Variants in NAALADL2 observed in about 807,000 individuals in gnomAD.
NAALADL2 encodes the protein inactive N-acetylated-alpha-linked acidic dipeptidase-like protein 2.
In NAALADL2, 76 loss-of-function variants were observed where a neutral mutation model predicts 87.2. The ratio of observed to expected loss-of-function variants is 0.87; its 90% confidence interval spans 0.72 to 1.05. The LOEUF is 1.05. NAALADL2 is among the 50% of genes least tolerant of loss of function. The pLI is 0.00. For synonymous variants in NAALADL2, 354 were observed against 331.0 expected (o/e 1.07, Z -0.75); for missense variants, 1,089 against 945.8 (o/e 1.15, Z -1.99).
At chr3:175,544,680 A>G (rs1582334316) in intron 9 of NAALADL2, among the ~76,000 whole-genome samples, 1 of 152,136 alleles carries the variant, frequency 6.6e-6, no homozygotes, top group East Asian at 1.9e-4. Context: ...ATGTTTTTTC[A>G]ATGCTCCTTC....
chr3:175,013,825 C>T (rs1212128561), intron 1 of NAALADL2, among the ~76,000 whole-genome samples: 3 of 152,020 alleles, frequency 2.0e-5, no homozygotes, highest in South Asian at 2.1e-4. Flanking sequence ...TCCTTCCTCT[C>T]GCATGTGCTG....
At chr3:175,777,928 A>G (rs1244171166) in intron 13 of NAALADL2, among the ~76,000 whole-genome samples, 1 of 152,108 alleles carries the variant, frequency 6.6e-6, no homozygotes, top group Non-Finnish European at 1.5e-5. Flanking sequence ...CTCTCAACCT[A>G]CTGATGAACT....
chr3:174,608,255 A>C (rs1409281067), intron 2 of NAALADL2, among the ~76,000 whole-genome samples: 1 of 152,162 alleles, frequency 6.6e-6, no homozygotes, highest in African/African-American at 2.4e-5. Context: ...CAATTAAAAG[A>C]ACTAGAAAAG....
At chr3:174,444,074 TA>T (rs1471646809) in intron 1 of NAALADL2, among the ~76,000 whole-genome samples, 1 of 152,114 alleles carries the variant, frequency 6.6e-6, no homozygotes, top group Non-Finnish European at 1.5e-5. Context: ...GAGAGTTTTT[TA>T]AAGTGTACAA....
intron 1 of NAALADL2, among the ~76,000 whole-genome samples, chr3:174,502,978 A>G (rs139540392): frequency 0.031 from 4,759 of 151,842 alleles, 239 homozygotes; most frequent in African/African-American, 0.11. Context: ...CAGTGAGCTG[A>G]GATCACGCCA....
intron 2 of NAALADL2, among the ~76,000 whole-genome samples, chr3:175,127,887 C>T (rs990610341): frequency 1.4e-4 from 21 of 151,628 alleles, no homozygotes; most frequent in African/African-American, 4.1e-4. Context: ...ATGAAAGACA[C>T]GTGATATAAA....
chr3:175,087,014 A>AT (rs1365712865), intron 1 of NAALADL2, among the ~76,000 whole-genome samples: 1 of 152,062 alleles, frequency 6.6e-6, no homozygotes, highest in East Asian at 1.9e-4. Context: ...ATAAAATTCT[A>AT]TTTTTTTATA....
chr3:175,507,274 T>A (rs1234713582), intron 9 of NAALADL2, among the ~76,000 whole-genome samples: 5 of 152,174 alleles, frequency 3.3e-5, no homozygotes, highest in African/African-American at 4.8e-5. Context: ...TCAGATAGTA[T>A]CCAATTTGCA....
chr3:175,529,954 T>C (rs1313754319), intron 9 of NAALADL2, among the ~76,000 whole-genome samples: 1 of 152,116 alleles, frequency 6.6e-6, no homozygotes, highest in Non-Finnish European at 1.5e-5. Context: ...AGCTAATTGA[T>C]CACCCCGAGG....
At chr3:175,311,035 A>T (rs1481141351) in intron 4 of NAALADL2, among the ~76,000 whole-genome samples, 1 of 152,004 alleles carries the variant, frequency 6.6e-6, no homozygotes, top group East Asian at 1.9e-4. Flanking sequence ...GAATCACCTT[A>T]GAAAACTTAT....
intron 5 of NAALADL2, among the ~76,000 whole-genome samples, chr3:175,412,669 A>G (rs1180641387): frequency 2.6e-5 from 4 of 152,142 alleles, no homozygotes; most frequent in South Asian, 2.1e-4. Context: ...TTCCTTCAGT[A>G]CATAAGGCTC....
chr3:174,533,309 C>T (rs949072547), intron 1 of NAALADL2, among the ~76,000 whole-genome samples: 22 of 151,702 alleles, frequency 1.5e-4, no homozygotes, highest in African/African-American at 4.4e-4. Context: ...ATCCTTTGTT[C>T]GAGTGTTCAA....
chr3:175,734,281 G>A (rs28763588), intron 11 of NAALADL2, among the ~76,000 whole-genome samples: 4,164 of 152,156 alleles, frequency 0.027, 183 homozygotes, highest in African/African-American at 0.093. Context: ...TGGGCTGGGC[G>A]CGGTGGCTCA....
At chr3:175,269,439 C>G (rs374657366) in intron 4 of NAALADL2, among the ~76,000 whole-genome samples, 1 of 152,152 alleles carries the variant, frequency 6.6e-6, no homozygotes, top group Non-Finnish European at 1.5e-5. Context: ...TAATATGTTG[C>G]ACTACAACGT....
rs78217416 is a variant in NAALADL2 at position 174,579,099 on chromosome 3, T to C, written c.-115+28462T>C. Among the ~76,000 whole-genome samples the C allele has an allele frequency of 4.0e-3, 615 of 152,090 alleles. 3 individuals carry two copies. Among genetic ancestry groups the C allele is most frequent in the African/African-American group, 0.014 (595 of 41,556 alleles). On this transcript the variant is annotated intron_variant, in intron 2 of 3. Coordinates refer to the NAALADL2 transcript ENST00000434257. ...GGAAATGAAGAGTGACAACACCAAA[T>C]GTTGGTTGTTGATCGAAGGATAACA...
intron 1 of NAALADL2, among the ~76,000 whole-genome samples, chr3:175,039,616 G>A (rs1248135133): frequency 6.6e-6 from 1 of 151,940 alleles, no homozygotes; most frequent in Non-Finnish European, 1.5e-5. Context: ...GTTCTATTTC[G>A]TATTCTTTGT....
At chr3:175,621,797 G>A (rs974065162) in intron 10 of NAALADL2, among the ~76,000 whole-genome samples, 2 of 152,014 alleles carry the variant, frequency 1.3e-5, no homozygotes, top group Admixed American at 6.5e-5. Context: ...ACCATTTTAT[G>A]TAAGGGAGTT....
At position 175,667,235 on chromosome 3, in the gene NAALADL2, GAAAGAAAAAGAAAGAAAGA is replaced by G. The variant is rs1733260278; in HGVS notation, c.1896+39852_1896+39870del. Among the ~76,000 whole-genome samples, 33 of 112,548 alleles carry G rather than the reference GAAAGAAAAAGAAAGAAAGA, an allele frequency of 2.9e-4. 1 individual carries two copies. Among genetic ancestry groups the G allele is most frequent in the African/African-American group, 1.4e-3 (31 of 22,460 alleles). The allele number at this position is 112,548 out of a possible 152,430, so 73.8% of individuals were successfully genotyped here. On this transcript the variant is annotated intron_variant, in intron 11 of 13. Transcript: ENST00000454872. ...AGAAAGAAAGAAAGAAAGAAAGAAA[GAAAGAAAAAGAAAGAAAGA>G]AAGAAAGAAAGGAAGGAAGGGATGG...
chr3:175,618,489 C>A (rs572769439), intron 10 of NAALADL2, among the ~76,000 whole-genome samples: 1 of 152,264 alleles, frequency 6.6e-6, no homozygotes, highest in East Asian at 1.9e-4. Flanking sequence ...CTTGACCAAA[C>A]CCTTATGCAA....
Sources: allele counts gnomAD v4.1 joint callset (sites outside exome capture counted in the v4.1 genomes callset), GRCh38; gene constraint gnomAD v4.1.1; transcripts MANE v1.5; gene names NCBI Gene and HGNC (gene_info 2026-07-23, HGNC 2026-07-21).